CCDC39: variants seen among roughly 807,000 people sequenced by gnomAD.
CCDC39 encodes coiled-coil domain-containing protein 39.
In CCDC39, 113 loss-of-function variants were observed where a neutral mutation model predicts 121.0. That is an observed-to-expected ratio of 0.93 (90% CI 0.80 to 1.09). The LOEUF is 1.09. Ranked by LOEUF, CCDC39 falls within the 50% of genes least tolerant of loss-of-function variation. The pLI, the probability that CCDC39 is intolerant of heterozygous loss-of-function variation, is 0.00. For synonymous variants in CCDC39, 349 were observed against 352.2 expected (o/e 0.99, Z 0.10); for missense variants, 1,063 against 1,074.7 (o/e 0.99, Z 0.15).
chr3:180,614,976 G>A lies in CCDC39; in HGVS notation c.2771C>T (p.Pro924Leu). The change falls in exon 20 of 20, where the codon CCA becomes CTA. Residue 924 changes from proline to leucine, a missense_variant. By Grantham distance (98) the Pro-to-Leu change is moderately conservative. Coordinates refer to ENST00000476379, the MANE Select transcript of CCDC39 (RefSeq NM_181426.2). ...ACTAGAGCTACTACTAGCACTAGAT[G>A]GCCTAGAAGGGCTGCCTACTAGTGA... ...SSSLVGSPSRPSSASSSSSNV... is the reference protein window; with the variant it reads ...SSSLVGSPSRLSSASSSSSNV... The A allele has an allele frequency of 6.4e-7, 1 of 1,565,500 alleles. No individual in the cohort carries two copies. The highest frequency in any genetic ancestry group is 8.7e-7 in the Non-Finnish European group (1 of 1,153,172).
intron 12 of CCDC39, among the ~76,000 whole-genome samples, chr3:180,643,206 G>T (rs577175641): frequency 6.6e-6 from 1 of 151,938 alleles, no homozygotes; most frequent in Non-Finnish European, 1.5e-5. Flanking sequence ...TGATCCACCC[G>T]CCTCGGCCTC....
intron 14 of CCDC39, 45 bp from the exon 15 acceptor site, chr3:180,620,015 T>C (rs745596147): frequency 7.0e-7 from 1 of 1,433,694 alleles, no homozygotes; most frequent in South Asian, 1.4e-5. Context: ...GCATTTACTA[T>C]GGGAAGAAAT....
chr3:180,642,513 C>T (rs911081738), intron 12 of CCDC39, among the ~76,000 whole-genome samples: 1 of 151,928 alleles, frequency 6.6e-6, no homozygotes, highest in Admixed American at 6.6e-5. Context: ...TATGAATGGC[C>T]ATTTTTATAC....
intron 1 of CCDC39, among the ~76,000 whole-genome samples, chr3:180,666,888 C>T (rs920739971): frequency 6.6e-6 from 1 of 152,036 alleles, no homozygotes; most frequent in African/African-American, 2.4e-5. Flanking sequence ...CGCACACACA[C>T]ACACACAATC....
chr3:180,637,589 A>G (rs555682901), intron 13 of CCDC39, among the ~76,000 whole-genome samples: 1 of 152,312 alleles, frequency 6.6e-6, no homozygotes, highest in Non-Finnish European at 1.5e-5. Context: ...TATATACCCA[A>G]AGGAATATAA....
intron 13 of CCDC39, among the ~76,000 whole-genome samples, chr3:180,638,193 G>C (rs1324283530): frequency 6.6e-6 from 1 of 152,088 alleles, no homozygotes; most frequent in East Asian, 1.9e-4. Context: ...GATAAAGAGA[G>C]TGTCCCAAAG....
intron 11 of CCDC39, among the ~76,000 whole-genome samples, chr3:180,645,144 C>A (rs1718041544): frequency 6.6e-6 from 1 of 152,092 alleles, no homozygotes; most frequent in African/African-American, 2.4e-5. Flanking sequence ...TTTCTACCTT[C>A]ATGGGTTATT....
intron 9 of CCDC39, 129 bp from the exon 10 acceptor site, chr3:180,648,488 C>A: frequency 1.7e-6 from 1 of 582,054 alleles, no homozygotes; most frequent in Non-Finnish European, 2.8e-6. Context: ...GAAGATAAAG[C>A]TCTTCCCACA....
intron 13 of CCDC39, among the ~76,000 whole-genome samples, chr3:180,635,318 C>T (rs572155235): frequency 6.6e-6 from 1 of 152,216 alleles, no homozygotes; most frequent in Admixed American, 6.5e-5. Context: ...CCTAGTGCCT[C>T]CCAAATCTCA....
chr3:180,668,516 T>C (rs183043347), intron 1 of CCDC39, among the ~76,000 whole-genome samples: 67 of 152,324 alleles, frequency 4.4e-4, no homozygotes, highest in Non-Finnish European at 9.3e-4. Context: ...TATTATTCAG[T>C]TTGTATATAA....
At chr3:180,621,625 C>G (rs542294499) in intron 14 of CCDC39, among the ~76,000 whole-genome samples, 1 of 152,104 alleles carries the variant, frequency 6.6e-6, no homozygotes, top group South Asian at 2.1e-4. Context: ...AGGATTGTTA[C>G]ATGGGTAAAT....
chr3:180,665,998 T>C (rs1362240101), intron 1 of CCDC39, among the ~76,000 whole-genome samples: 7 of 152,300 alleles, frequency 4.6e-5, no homozygotes, highest in Admixed American at 4.6e-4. Flanking sequence ...ATTTTAACCA[T>C]TGCTATGTGT....
In CCDC39 at chr3:180,616,825, C is replaced by T; in HGVS notation, c.2406+1G>A. 1 of 1,609,512 alleles carries T rather than the reference C, an allele frequency of 6.2e-7. No individual in the cohort carries two copies. Among genetic ancestry groups the T allele is most frequent in the Non-Finnish European group, 8.5e-7 (1 of 1,177,222 alleles). On this transcript the variant is annotated splice_donor_variant, in intron 17 of 19. Coordinates refer to ENST00000476379, the MANE Select transcript of CCDC39 (RefSeq NM_181426.2). LOFTEE classifies it high-confidence loss of function. ...GGTCAGTTTTTAAAAGATATCGATA[C>T]CTGTTTGGTCACTCTTTCTAATTTT...
intron 13 of CCDC39, among the ~76,000 whole-genome samples, chr3:180,635,254 T>C (rs1256193121): frequency 6.6e-6 from 1 of 152,144 alleles, no homozygotes; most frequent in Non-Finnish European, 1.5e-5. Flanking sequence ...CGACATGAGA[T>C]TACAATTGTA....
At chr3:180,672,318 G>C (rs186481823) in intron 1 of CCDC39, among the ~76,000 whole-genome samples, 1 of 152,210 alleles carries the variant, frequency 6.6e-6, no homozygotes, top group Non-Finnish European at 1.5e-5. Flanking sequence ...ATTGGGCCAG[G>C]TGTGGTGGCT....
At chr3:180,621,533 T>C (rs1464568304) in intron 14 of CCDC39, among the ~76,000 whole-genome samples, 1 of 152,136 alleles carries the variant, frequency 6.6e-6, no homozygotes, top group Non-Finnish European at 1.5e-5. Flanking sequence ...GCCATTTGTT[T>C]GTCTTCTTTT....
At position 180,615,723 on chromosome 3, in the gene CCDC39, T is replaced by A. The variant is rs1187412703; in HGVS notation, c.2669+558A>T. Among the ~76,000 whole-genome samples the A allele has an allele frequency of 2.6e-5, 4 of 152,118 alleles. 1 individual carries two copies. The East Asian group carries it at 7.7e-4, about 29-fold the overall frequency. ...GTGAATTCTAAAATCAGGATCATTA[T>A]TAATAAATTTTTGTCAGCAAAGCAC... is the stretch of plus-strand genomic sequence containing the variant. On this transcript the variant is annotated intron_variant, in intron 19 of 19. Coordinates refer to ENST00000476379, the MANE Select transcript of CCDC39 (RefSeq NM_181426.2).
At chr3:180,622,515 CT>C (rs1264009409) in intron 14 of CCDC39, among the ~76,000 whole-genome samples, 15 of 151,952 alleles carry the variant, frequency 9.9e-5, no homozygotes, top group African/African-American at 3.4e-4. Flanking sequence ...GCCTTCAGCT[CT>C]TTCCCCATTC....
intron 14 of CCDC39, among the ~76,000 whole-genome samples, chr3:180,623,606 C>T (rs559930057): frequency 1.3e-5 from 2 of 151,988 alleles, no homozygotes; most frequent in South Asian, 4.2e-4. Context: ...TAAACATCCC[C>T]CTTAGCATTC....
Sources: allele counts gnomAD v4.1 joint callset (sites outside exome capture counted in the v4.1 genomes callset), GRCh38; gene constraint gnomAD v4.1.1; transcripts MANE v1.5; gene names NCBI Gene and HGNC (gene_info 2026-07-23, HGNC 2026-07-21).